Variants in ZNF717 observed in about 807,000 individuals in gnomAD.
ZNF717 encodes the protein zinc finger protein 717.
In ZNF717, 9 loss-of-function variants were observed where a neutral mutation model predicts 13.8. That is an observed-to-expected ratio of 0.65 (90% CI 0.39 to 1.14). ZNF717 has a LOEUF of 1.14. ZNF717 is among the 50% of genes most tolerant of loss of function. The pLI, the probability that ZNF717 is intolerant of heterozygous loss-of-function variation, is 0.01. For missense variants in ZNF717, 1,040 were observed against 1,080.7 expected (o/e 0.96, Z 0.53); for synonymous variants, 327 against 364.1 (o/e 0.90, Z 1.16).
intron 5 of ZNF717, among the ~76,000 whole-genome samples, chr3:75,713,325 A>T (rs998162126): frequency 1.8e-3 from 268 of 151,652 alleles, no homozygotes; most frequent in Admixed American, 4.2e-3. Flanking sequence ...TAACTTCTGT[A>T]TTTTTTGTAG....
At chr3:75,695,322 T>G (rs1328218026) in intron 6 of ZNF717, among the ~76,000 whole-genome samples, 3 of 152,298 alleles carry the variant, frequency 2.0e-5, no homozygotes, top group Non-Finnish European at 2.9e-5. Flanking sequence ...CTAAAGCACC[T>G]AGATAAATAA....
At chr3:75,764,678 G>A (rs1456580561) in intron 2 of ZNF717, among the ~76,000 whole-genome samples, 3 of 152,220 alleles carry the variant, frequency 2.0e-5, no homozygotes, top group Non-Finnish European at 4.4e-5. Flanking sequence ...ATGAGAAGAT[G>A]TGTAACATCA....
chr3:75,741,294 G>C lies in ZNF717; in HGVS notation c.259C>G (p.Pro87Ala), dbSNP rs1940393918. ...GACTGACCTGAAAGTCTCAGGTTTG[G>C]GGTTTCTTCTACTATCCATGGCTCT... Reference protein sequence around the residue: ...GAEPWIVEETPNLRLSAVQII... With the variant: ...GAEPWIVEETANLRLSAVQII... Residue 87 changes from proline (P) to alanine (A), a missense_variant, in exon 4 of 5, where the codon CCA (proline) becomes GCA (alanine). By Grantham distance (27) the Pro-to-Ala change is conservative. Transcript: ENST00000652011. 1 of 1,548,404 alleles carries C rather than the reference G, an allele frequency of 6.5e-7. No individual in the cohort carries two copies. Among genetic ancestry groups the C allele is most frequent in the Admixed American group, 2.0e-5 (1 of 50,978 alleles).
intron 4 of ZNF717, among the ~76,000 whole-genome samples, chr3:75,724,914 C>T (rs1938246901): frequency 6.6e-6 from 1 of 152,286 alleles, no homozygotes; most frequent in African/African-American, 2.4e-5. Flanking sequence ...ACCCATCACA[C>T]CTGTTCTGGC....
chr3:75,767,398 C>T (rs1943564200), intron 2 of ZNF717, among the ~76,000 whole-genome samples: 1 of 152,258 alleles, frequency 6.6e-6, no homozygotes, highest in South Asian at 2.1e-4. Context: ...TTTTAAGCTG[C>T]CAAGTTTTGG....
chr3:75,725,526 A>G (rs1178537844), downstream of ZNF717, among the ~76,000 whole-genome samples: 1 of 152,198 alleles, frequency 6.6e-6, no homozygotes, highest in African/African-American at 2.4e-5. Flanking sequence ...TGTCAAACTC[A>G]TAATAAGTCT....
chr3:75,770,374 A>G (rs1403627301), intron 2 of ZNF717, among the ~76,000 whole-genome samples: 1 of 152,154 alleles, frequency 6.6e-6, no homozygotes, highest in Non-Finnish European at 1.5e-5. Context: ...CACCCTGATC[A>G]AAACAGAGAA....
At chr3:75,770,274 A>C (rs1335512451) in intron 2 of ZNF717, among the ~76,000 whole-genome samples, 3 of 152,220 alleles carry the variant, frequency 2.0e-5, no homozygotes, top group Non-Finnish European at 4.4e-5. Flanking sequence ...TGAAAACAAG[A>C]AGCAGGCCGG....
chr3:75,735,288 T>C (rs1460657886), downstream of ZNF717, among the ~76,000 whole-genome samples: 2 of 152,310 alleles, frequency 1.3e-5, no homozygotes, highest in Admixed American at 6.5e-5. Context: ...GAAGGTGGAC[T>C]TGGATTTGTT....
In ZNF717 at chr3:75,737,249, TACATTCATC is replaced by T; in HGVS notation, c.2365_2373del (p.Asp789_Cys791del). On this transcript the variant is annotated inframe_deletion, in exon 5 of 5. Transcript: ENST00000652011. ...ACTGTCTTATCGTAAAAAGTTTTCCTACATTCATCACATTCATAGGGTTTCTCTCCTGAG... is the reference window on the plus strand; with the variant it reads ...ACTGTCTTATCGTAAAAAGTTTTCCTACATTCATAGGGTTTCTCTCCTGAG... The T allele has an allele frequency of 6.4e-7, 1 of 1,552,864 alleles. No individual in the cohort carries two copies.
intron 2 of ZNF717, among the ~76,000 whole-genome samples, chr3:75,764,395 C>T (rs538377577): frequency 1.3e-5 from 2 of 152,156 alleles, no homozygotes; most frequent in South Asian, 2.1e-4. Flanking sequence ...ACAATTAGAA[C>T]CTGGACCCCA....
At chr3:75,762,213 CA>C (rs1943092813) in intron 2 of ZNF717, among the ~76,000 whole-genome samples, 2 of 152,190 alleles carry the variant, frequency 1.3e-5, no homozygotes, top group Admixed American at 1.3e-4. Flanking sequence ...CCGAGGCAGG[CA>C]AATCACCTGA....
At chr3:75,731,682 G>A (rs1201777389), downstream of ZNF717, among the ~76,000 whole-genome samples, 1 of 152,234 alleles carries the variant, frequency 6.6e-6, no homozygotes, top group East Asian at 1.9e-4. Context: ...GGAGGCCAAA[G>A]CAGGAGGATC....
At chr3:75,734,513 A>G (rs1488441958), downstream of ZNF717, among the ~76,000 whole-genome samples, 3 of 151,250 alleles carry the variant, frequency 2.0e-5, no homozygotes, top group Non-Finnish European at 4.4e-5. Context: ...GCTCACGGCA[A>G]GCTCTGCCTT....
At chr3:75,777,180 T>C (rs1174669780) in intron 2 of ZNF717, among the ~76,000 whole-genome samples, 1 of 97,492 alleles carries the variant, frequency 1.0e-5, no homozygotes, top group Non-Finnish European at 2.1e-5. Context: ...CTGTAACCTA[T>C]GAGTGACATG....
intron 6 of ZNF717, among the ~76,000 whole-genome samples, chr3:75,704,025 A>C (rs1172145885): frequency 0.093 from 10,886 of 116,632 alleles, no homozygotes; most frequent in African/African-American, 0.1. Flanking sequence ...TGTAAGGATA[A>C]TATTAATGAG....
downstream of ZNF717, among the ~76,000 whole-genome samples, chr3:75,731,753 A>C (rs1575733853): frequency 1.3e-5 from 2 of 152,238 alleles, no homozygotes; most frequent in Admixed American, 1.3e-4. Context: ...AACTCTAAAA[A>C]AAAAATTTAA....
chr3:75,785,169 C>A (rs1320357369), intron 1 of ZNF717: 2 of 152,304 alleles, frequency 1.3e-5, no homozygotes, highest in East Asian at 3.9e-4. Context: ...GAACGTCTCC[C>A]GAGAACTGTG....
chr3:75,757,978 C>T (rs1475675713), intron 2 of ZNF717, among the ~76,000 whole-genome samples: 1 of 150,662 alleles, frequency 6.6e-6, no homozygotes, highest in Non-Finnish European at 1.5e-5. Flanking sequence ...TTTATCTGAG[C>T]CTGGTGGGGG....
Sources: gnomAD v4.1 joint callset for allele counts (sites outside exome capture counted in the v4.1 genomes callset) on GRCh38, gnomAD v4.1.1 for gene constraint, MANE v1.5 for transcripts, NCBI Gene and HGNC (gene_info 2026-07-23, HGNC 2026-07-21) for gene names.